The following NFATC2 variants were observed in gnomAD, a reference collection of about 807,000 sequenced individuals.
NFATC2 encodes the protein nuclear factor of activated T cells 2, also known as nuclear factor of activated T-cells, cytoplasmic 2.
Under a neutral mutation model 87.3 loss-of-function variants are expected in NFATC2, and 22 were observed. The observed-to-expected ratio is 0.25, with a 90% CI of 0.18 to 0.36. The LOEUF (loss-of-function observed/expected upper bound fraction) is 0.36, where lower values mean the gene tolerates loss of function less well. Among genes scored for constraint, NFATC2 ranks in the 10% least tolerant of loss-of-function variants. NFATC2 has a pLI of 1.00. For missense variants in NFATC2, 1,149 were observed against 1,259.1 expected (o/e 0.91, Z 1.32); for synonymous variants, 565 against 542.2 (o/e 1.04, Z -0.58).
rs1308059947 is a variant in NFATC2 at position 51,432,386 on chromosome 20, A to G, written c.2403T>C (p.Ser801=). ...CAGGCGAGGCCTGCTGGTTGGTCGG[A>G]GAGGGGTGGAGCAGGGCTGAGCTCT... The part of the protein sequence containing the change: ...QGQSSALLHP[S]PTNQQASPVI... Residue 801 remains serine, a synonymous_variant, in exon 9 of 11, where the codon TCT becomes TCC. Transcript: ENST00000371564. This position sits in a 1 kb window ranked among gnomAD's most constrained non-coding sequence, Gnocchi z 4.6. The G allele has an allele frequency of 3.1e-6, 5 of 1,609,612 alleles. No homozygotes were observed. The highest frequency in any genetic ancestry group is 3.4e-6 in the Non-Finnish European group (4 of 1,177,714).
intron 9 of NFATC2, among the ~76,000 whole-genome samples, chr20:51,428,019 A>G (rs1982111494): frequency 6.6e-6 from 1 of 152,222 alleles, no homozygotes; most frequent in Admixed American, 6.5e-5. Flanking sequence ...CACAGAGTAG[A>G]CAGCCAGAAA....
intron 3 of NFATC2, among the ~76,000 whole-genome samples, chr20:51,492,164 G>C (rs1039267630): frequency 2.6e-5 from 4 of 151,974 alleles, no homozygotes; most frequent in Non-Finnish European, 4.4e-5. Flanking sequence ...AGGAGGGAGA[G>C]CCTCATCTTT....
chr20:51,419,090 C>T (rs1002496409), intron 9 of NFATC2, among the ~76,000 whole-genome samples: 3 of 152,130 alleles, frequency 2.0e-5, no homozygotes, highest in African/African-American at 4.8e-5. Context: ...CTGCTGTGTC[C>T]TCACTGGCAC....
intron 2 of NFATC2, among the ~76,000 whole-genome samples, chr20:51,518,409 T>C (rs2076388779): frequency 6.6e-6 from 1 of 152,108 alleles, no homozygotes; most frequent in South Asian, 2.1e-4. Context: ...GCCCAGGGGG[T>C]AGCACCTCCA....
At position 51,457,575 on chromosome 20, in the gene NFATC2, C is replaced by T. The variant is rs192725722; in HGVS notation, c.1709-2887G>A. Reference sequence around the variant, plus strand: ...CAAGTCTGCATTTCCTACCTCCCTACCTGAAGGAAAACTTTTTTTTTTTTA... The same window carrying T: ...CAAGTCTGCATTTCCTACCTCCCTATCTGAAGGAAAACTTTTTTTTTTTTA... On this transcript the variant is annotated intron_variant, in intron 5 of 10. Coordinates refer to ENST00000371564, the MANE Select transcript of NFATC2 (RefSeq NM_012340.5). Among the ~76,000 whole-genome samples, 209 of 151,162 alleles carry T rather than the reference C, an allele frequency of 1.4e-3. 1 individual carries two copies. The highest frequency in any genetic ancestry group is 5.0e-3 in the African/African-American group (204 of 41,042).
Position 51,462,317 on chromosome 20 carries a change from G to A in NFATC2, c.1709-7629C>T, listed in dbSNP as rs533328819. Among the ~76,000 whole-genome samples, 7 of 150,442 alleles carry A rather than the reference G, an allele frequency of 4.7e-5. No individual in the cohort carries two copies. The East Asian group carries it at 7.8e-4, about 17-fold the overall frequency. ...AAAAAATAGCTGGGCATGATGGCACGCACCTGTAATCCCAGCTACTTGGGA... is the reference window on the plus strand; with the variant it reads ...AAAAAATAGCTGGGCATGATGGCACACACCTGTAATCCCAGCTACTTGGGA... On this transcript the variant is annotated intron_variant, in intron 5 of 10. Coordinates refer to ENST00000371564, the MANE Select transcript of NFATC2 (RefSeq NM_012340.5).
chr20:51,421,545 A>G (rs1230902788), intron 9 of NFATC2, among the ~76,000 whole-genome samples: 2 of 152,244 alleles, frequency 1.3e-5, no homozygotes, highest in Non-Finnish European at 2.9e-5. Context: ...TCGTCGGAAG[A>G]CAAAAGGGAA....
rs539317094 is a variant in NFATC2, at chr20:51,437,277, G to A, written c.1850-1516C>T. Among the ~76,000 whole-genome samples, 94 of 152,326 alleles carry A rather than the reference G, an allele frequency of 6.2e-4. 1 individual carries two copies. The highest frequency in any genetic ancestry group is 1.5e-3 in the South Asian group (7 of 4,816). On this transcript the variant is annotated intron_variant, in intron 6 of 10. Coordinates refer to ENST00000371564, the MANE Select transcript of NFATC2 (RefSeq NM_012340.5). ...TGAAGGATATTAAATAGTTTTATGA[G>A]AAGGGGGAAAAATCTACATGCTAAT...
Position 51,477,575 on chromosome 20 carries a change from ATATAT to A in NFATC2, c.1333-1920_1333-1916del, listed in dbSNP as rs1568667399. ...TATATATATATATATATATATATAT[ATATAT>A]AAAATAACAAGAGACAAAAGGACAT... is the stretch of plus-strand genomic sequence containing the variant. On this transcript the variant is annotated intron_variant, in intron 3 of 10. Transcript: ENST00000371564. Among the ~76,000 whole-genome samples, 62 of 88,220 alleles carry A rather than the reference ATATAT, an allele frequency of 7.0e-4. No homozygotes were observed. The Middle Eastern group carries it at 0.019, about 28-fold the overall frequency. 57.9% of individuals were successfully genotyped at this position (88,220 alleles called of 152,430 possible). A position where few individuals can be genotyped will look rare whatever the true frequency, so the allele number is the denominator to read the frequency against.
rs1600623266 is a variant in NFATC2 at position 51,386,995 on chromosome 20, T to C, written c.*4501A>G. 6.6e-6 allele frequency: 1 copy of C among 152,184 alleles called. No homozygotes were observed. Among genetic ancestry groups the C allele is most frequent in the African/African-American group, 2.4e-5 (1 of 41,436 alleles). The allele number at this position is 152,184 out of a possible 1,614,324, so 9.4% of individuals were successfully genotyped here. A position where few individuals can be genotyped will look rare whatever the true frequency, so the allele number is the denominator to read the frequency against. On this transcript the variant is annotated 3_prime_UTR_variant, in exon 11 of 11. Coordinates refer to ENST00000371564, the MANE Select transcript of NFATC2 (RefSeq NM_012340.5). ...CAACTGTTTTATTGCTAAACTATCA[T>C]GATACAAGCCGTATAAAAATACTTT... is the stretch of plus-strand genomic sequence containing the variant.
chr20:51,422,569 C>CTTTTT (rs5841843), intron 9 of NFATC2, among the ~76,000 whole-genome samples: 1 of 140,958 alleles, frequency 7.1e-6, no homozygotes, highest in Non-Finnish European at 1.5e-5. Context: ...GAAAACCCCT[C>CTTTTT]TTTTTTTTTT....
At chr20:51,446,222 C>T (rs1481709255) in intron 6 of NFATC2, among the ~76,000 whole-genome samples, 1 of 152,180 alleles carries the variant, frequency 6.6e-6, no homozygotes, top group African/African-American at 2.4e-5. Flanking sequence ...TTCACCTCGC[C>T]AAGAAGGACT....
At chr20:51,454,465 A>G in intron 6 of NFATC2, 83 bp downstream of exon 6, 3 of 1,531,434 alleles carry the variant, frequency 2.0e-6, no homozygotes, top group Non-Finnish European at 2.7e-6. Context: ...TCTACCCCCC[A>G]AAACCAAAGT....
At chr20:51,453,047 C>G (rs1399105192) in intron 6 of NFATC2, 2 of 154,768 alleles carry the variant, frequency 1.3e-5, no homozygotes, top group Non-Finnish European at 2.9e-5. Flanking sequence ...CTAAACCACT[C>G]CCGACCCATC....
chr20:51,559,500 G>A (rs1207617846), intron 1 of NFATC2, among the ~76,000 whole-genome samples: 1 of 152,216 alleles, frequency 6.6e-6, no homozygotes, highest in East Asian at 1.9e-4. Flanking sequence ...ATATGGTGAA[G>A]AGTTCAAATT....
Position 51,524,532 on chromosome 20 carries a change from G to A in NFATC2, c.131-422C>T, listed in dbSNP as rs1482801311. On this transcript the variant is annotated intron_variant, in intron 1 of 10. Coordinates refer to ENST00000371564, the MANE Select transcript of NFATC2 (RefSeq NM_012340.5). This position sits in a 1 kb window ranked among gnomAD's most constrained non-coding sequence, Gnocchi z 4.0. Reference sequence around the variant, plus strand: ...GTGATTTTGCTTCAACGCTGGTCACGACCCATTAGACGGATCCCCTAACCC... The same window carrying A: ...GTGATTTTGCTTCAACGCTGGTCACAACCCATTAGACGGATCCCCTAACCC... Among the ~76,000 whole-genome samples the A allele has an allele frequency of 6.6e-6, 1 of 152,086 alleles. No individual in the cohort carries two copies. Among genetic ancestry groups the A allele is most frequent in the Non-Finnish European group, 1.5e-5 (1 of 68,022 alleles).
At position 51,432,506 on chromosome 20, in the gene NFATC2, G is replaced by A; in HGVS notation, c.2283C>T (p.Ser761=). The A allele has an allele frequency of 6.4e-7, 1 of 1,557,128 alleles. No homozygotes were observed. The stretch of plus-strand genomic sequence containing the variant: ...GGGCCGGCTGCTGATAGCCCAGCAG[G>A]CTGGGGCTCAGGCTCTTGCTCCGCT... ...LYQRSKSLSP[S]LLGYQQPALM... is the part of the protein sequence containing the mutation. Residue 761 remains serine (S), a synonymous_variant, in exon 9 of 11, where the codon AGC becomes AGT. Coordinates refer to ENST00000371564, the MANE Select transcript of NFATC2 (RefSeq NM_012340.5). This position sits in a 1 kb window ranked among gnomAD's most constrained non-coding sequence, Gnocchi z 4.6.
chr20:51,502,324 T>C (rs2076101739), intron 3 of NFATC2, among the ~76,000 whole-genome samples: 1 of 152,218 alleles, frequency 6.6e-6, no homozygotes, highest in Admixed American at 6.5e-5. Context: ...GTTTTATCTT[T>C]ACTGTTTGGG....
intron 3 of NFATC2, among the ~76,000 whole-genome samples, chr20:51,481,753 G>A (rs1989279182): frequency 6.6e-6 from 1 of 152,040 alleles, no homozygotes; most frequent in African/African-American, 2.4e-5. Flanking sequence ...TGTCAACTCA[G>A]CTACTTGAAA....
Sources: allele counts gnomAD v4.1 joint callset (sites outside exome capture counted in the v4.1 genomes callset), GRCh38; gene constraint gnomAD v4.1.1; non-coding constraint Gnocchi (gnomAD v3.1); transcripts MANE v1.5; gene names NCBI Gene and HGNC (gene_info 2026-07-23, HGNC 2026-07-21).